The following URB1 variants were observed in gnomAD, a reference collection of about 807,000 sequenced individuals.
URB1 encodes URB1 ribosome biogenesis factor.
A neutral mutation model predicts 242.3 loss-of-function variants in URB1; 197 were observed. The observed-to-expected ratio is 0.81, with a 90% CI of 0.72 to 0.91. URB1 has a LOEUF of 0.91. Ranked by LOEUF, URB1 falls within the 40% of genes least tolerant of loss-of-function variation. URB1 has a pLI of 0.00. For missense variants in URB1, 2,721 were observed against 2,860.5 expected, an observed-to-expected ratio of 0.95 and a Z score of 1.11; for synonymous variants, 1,153 against 1,201.8, an observed-to-expected ratio of 0.96 and a Z score of 0.84.
chr21:32,365,753 T>C (rs146502109), intron 10 of URB1, among the ~76,000 whole-genome samples: 2 of 152,334 alleles, frequency 1.3e-5, no homozygotes, highest in Admixed American at 6.5e-5. Flanking sequence ...AATCTCACCA[T>C]GTGGTCTCAG....
intron 21 of URB1, 43 bp from the exon 22 acceptor site, chr21:32,347,854 G>T (rs1420436538): frequency 1.3e-6 from 2 of 1,487,732 alleles, no homozygotes; most frequent in East Asian, 2.5e-5. Flanking sequence ...TAGAGCACAG[G>T]GCTAAGACAG....
intron 23 of URB1, 21 bp downstream of exon 23, chr21:32,345,353 A>C: frequency 1.3e-6 from 2 of 1,548,132 alleles, no homozygotes; most frequent in Non-Finnish European, 1.7e-6. Flanking sequence ...AACATCCTGC[A>C]ACCAACCTGA....
At position 32,392,924 on chromosome 21, in the gene URB1, G is replaced by A. The variant is rs960003214; in HGVS notation, c.-14C>T. 2.0e-6 allele frequency: 3 copies of A among 1,501,330 alleles called. No homozygotes were observed. Among genetic ancestry groups the A allele is most frequent in the South Asian group, 1.2e-5 (1 of 80,334 alleles). The allele number at this position is 1,501,330 out of a possible 1,614,324, so 93.0% of individuals were successfully genotyped here. On this transcript the variant is annotated 5_prime_UTR_variant, in exon 1 of 39. Transcript: ENST00000382751. Reference sequence around the variant, plus strand: ...GGGGACCCCCATGGCCGAGAGGGCGGAAGCGCGACGGAAACGACACACCTG... The same window carrying A: ...GGGGACCCCCATGGCCGAGAGGGCGAAAGCGCGACGGAAACGACACACCTG...
At chr21:32,354,676 C>T (rs2033198344) in intron 17 of URB1, among the ~76,000 whole-genome samples, 183 bp downstream of exon 17, 1 of 152,148 alleles carries the variant, frequency 6.6e-6, no homozygotes, top group South Asian at 2.1e-4. Context: ...AATAAAACAA[C>T]AAGTGTTTCC....
chr21:32,315,116 G>T lies in URB1; in HGVS notation c.6635-17C>A. On this transcript the variant is annotated splice_polypyrimidine_tract_variant and intron_variant, in intron 38 of 38. Transcript: ENST00000382751. The stretch of plus-strand genomic sequence containing the variant: ...CTGCGGAGGCTGAACAAGAGCAGGG[G>T]ATAGGCCATTAGGATGCACACCTGC... The T allele has an allele frequency of 1.3e-6, 2 of 1,500,798 alleles. No homozygotes were observed. Among genetic ancestry groups the T allele is most frequent in the Non-Finnish European group, 1.8e-6 (2 of 1,115,694 alleles). The allele number at this position is 1,500,798 out of a possible 1,614,324, so 93.0% of individuals were successfully genotyped here. A position where few individuals can be genotyped will look rare whatever the true frequency, so the allele number is the denominator to read the frequency against.
chr21:32,349,692 G>A (rs2033134625), intron 20 of URB1, among the ~76,000 whole-genome samples: 1 of 152,224 alleles, frequency 6.6e-6, no homozygotes, highest in South Asian at 2.1e-4. Context: ...AAACACAAAG[G>A]TTGTTTTGAC....
chr21:32,360,020 G>T, intron 13 of URB1, 112 bp from the exon 14 acceptor site: 1 of 946,198 alleles, frequency 1.1e-6, no homozygotes, highest in Non-Finnish European at 1.6e-6. Flanking sequence ...AAAAAGGGTG[G>T]ATGCAGGGTT....
chr21:32,322,390 G>A, intron 33 of URB1, 88 bp downstream of exon 33: 1 of 1,215,266 alleles, frequency 8.2e-7, no homozygotes, highest in Admixed American at 2.0e-5. Context: ...CAGCATACAG[G>A]ATCCATGGGG....
rs1375581410 is a variant in URB1, at chr21:32,322,573, A to T, written c.5245T>A (p.Tyr1749Asn). Residue 1749 changes from tyrosine to asparagine, a missense_variant, in exon 33 of 39, where the codon TAC becomes AAC. By Grantham distance (143) the Tyr-to-Asn change is moderately radical. Transcript: ENST00000382751. ...AGCAGGAAGTTGCTGACCTTCAGGT[A>T]CATGTGCTCCTCTGAGAACACAGGC... ...LQILKPEEHM[Y>N]LKVSNFLLSH... The T allele has an allele frequency of 1.3e-6, 2 of 1,551,708 alleles. No individual in the cohort carries two copies. The highest frequency in any genetic ancestry group is 1.7e-6 in the Non-Finnish European group (2 of 1,146,982).
chr21:32,361,198 A>AGAAAGAAAGAAAGAAAGAAG (rs1568825026), intron 12 of URB1, 75 bp from the exon 13 acceptor site: 7 of 970,164 alleles, frequency 7.2e-6, no homozygotes, highest in African/African-American at 3.4e-5. Flanking sequence ...AAAGAAAGAA[A>AGAAAGAAAGAAAGAAAGAAG]GAAAGAAAAT....
At position 32,315,111 on chromosome 21, in the gene URB1, C is replaced by T. The variant is rs1252359917; in HGVS notation, c.6635-12G>A. On this transcript the variant is annotated splice_polypyrimidine_tract_variant and intron_variant, in intron 38 of 38. Coordinates refer to ENST00000382751, the MANE Select transcript of URB1 (RefSeq NM_014825.3). Reference sequence around the variant, plus strand: ...GAATGCTGCGGAGGCTGAACAAGAGCAGGGGATAGGCCATTAGGATGCACA... The same window carrying T: ...GAATGCTGCGGAGGCTGAACAAGAGTAGGGGATAGGCCATTAGGATGCACA... The T allele has an allele frequency of 6.6e-7, 1 of 1,508,596 alleles. No individual in the cohort carries two copies. Among genetic ancestry groups the T allele is most frequent in the African/African-American group, 1.4e-5 (1 of 72,420 alleles). 93.5% of individuals were successfully genotyped at this position (1,508,596 alleles called of 1,614,324 possible). A position where few individuals can be genotyped will look rare whatever the true frequency, so the allele number is the denominator to read the frequency against.
intron 12 of URB1, 40 bp from the exon 13 acceptor site, chr21:32,361,163 G>GAA: frequency 5.6e-6 from 3 of 537,350 alleles, no homozygotes; most frequent in Non-Finnish European, 9.4e-6. Context: ...AGAGAAAAAA[G>GAA]AAAGAAAGAA....
intron 1 of URB1, among the ~76,000 whole-genome samples, chr21:32,387,600 CAAA>C (rs764839350): frequency 5.6e-5 from 7 of 124,772 alleles, no homozygotes; most frequent in Middle Eastern, 4.4e-3. Flanking sequence ...TCACCTTATT[CAAA>C]AAAAAAAAAA....
At chr21:32,357,747 G>A (rs8133439) in intron 14 of URB1, 91 bp from the exon 15 acceptor site, 111,351 of 1,038,152 alleles carry the variant, frequency 0.11, 7,189 homozygotes, top group African/African-American at 0.28. Context: ...ATACCATGGG[G>A]CCAGGCGTGG....
At chr21:32,333,550 A>G (rs1245909599) in intron 29 of URB1, 131 bp from the exon 30 acceptor site, 4 of 715,556 alleles carry the variant, frequency 5.6e-6, no homozygotes, top group African/African-American at 5.4e-5. Flanking sequence ...ACATAATGAG[A>G]TATCTTGGGG....
At chr21:32,343,024 T>C (rs1415528565) in intron 24 of URB1, among the ~76,000 whole-genome samples, 2 of 152,262 alleles carry the variant, frequency 1.3e-5, no homozygotes, top group South Asian at 4.1e-4. Context: ...TATGGTATTA[T>C]GCTAAAAACA....
chr21:32,363,128 G>C (rs1431519264), intron 11 of URB1, 28 bp downstream of exon 11: 2 of 1,542,272 alleles, frequency 1.3e-6, no homozygotes, highest in Non-Finnish European at 1.8e-6. Flanking sequence ...GGTCTGGAAG[G>C]AAAGCCCAAA....
At chr21:32,349,519 A>G in intron 20 of URB1, 36 bp from the exon 21 acceptor site, 1 of 1,504,168 alleles carries the variant, frequency 6.6e-7, no homozygotes, top group Non-Finnish European at 8.9e-7. Flanking sequence ...AGCAGGGAAG[A>G]GACGGGTTCA....
intron 4 of URB1, among the ~76,000 whole-genome samples, chr21:32,379,878 T>A (rs1323611510): frequency 6.6e-6 from 1 of 151,684 alleles, no homozygotes; most frequent in East Asian, 1.9e-4. Context: ...TAATCCCAGC[T>A]ACTCGGGAGG....
Sources: gnomAD v4.1 joint callset for allele counts (sites outside exome capture counted in the v4.1 genomes callset) on GRCh38, gnomAD v4.1.1 for gene constraint, MANE v1.5 for transcripts, NCBI Gene and HGNC (gene_info 2026-07-23, HGNC 2026-07-21) for gene names.